Variants in METTL15 observed in about 807,000 individuals in gnomAD.
METTL15 encodes the protein 12S rRNA N(4)-cytidine methyltransferase METTL15.
Under a neutral mutation model 38.3 loss-of-function variants are expected in METTL15, and 34 were observed. That is an observed-to-expected ratio of 0.89 (90% CI 0.68 to 1.18). The LOEUF (loss-of-function observed/expected upper bound fraction) is 1.18, where lower values mean the gene tolerates loss of function less well. Among genes scored for constraint, METTL15 ranks in the 50% most tolerant of loss-of-function variants. The pLI is 0.00. For synonymous variants in METTL15, 162 were observed against 170.9 expected (o/e 0.95, Z 0.41); for missense variants, 438 against 498.4 (o/e 0.88, Z 1.15).
chr11:28,490,744 G>T (rs932895668), intron 6 of METTL15, among the ~76,000 whole-genome samples: 3 of 151,982 alleles, frequency 2.0e-5, no homozygotes, highest in Non-Finnish European at 4.4e-5. Flanking sequence ...GAAAATTACA[G>T]GAGAAAAAAA....
At chr11:28,311,691 A>G (rs180969566) in intron 6 of METTL15, among the ~76,000 whole-genome samples, 8 of 152,388 alleles carry the variant, frequency 5.2e-5, no homozygotes, top group African/African-American at 1.9e-4. Context: ...TCTGCAAAAT[A>G]TGGGTAGTAA....
chr11:28,173,652 GT>G (rs1487711742), intron 3 of METTL15, among the ~76,000 whole-genome samples: 7 of 152,126 alleles, frequency 4.6e-5, no homozygotes, highest in Admixed American at 4.6e-4. Context: ...ACTAAAGTCT[GT>G]TCTTTACTCA....
intron 4 of METTL15, among the ~76,000 whole-genome samples, chr11:28,267,459 T>A (rs996399325): frequency 6.6e-6 from 1 of 152,188 alleles, no homozygotes; most frequent in South Asian, 2.1e-4. Context: ...GCACTACTGA[T>A]CTCACTCTTC....
chr11:28,486,133 T>G (rs967331124), intron 6 of METTL15, among the ~76,000 whole-genome samples: 2 of 152,162 alleles, frequency 1.3e-5, no homozygotes, highest in African/African-American at 4.8e-5. Context: ...AGTTGATAGA[T>G]GAGAAAGTTA....
At chr11:28,524,911 T>C (rs1160978489) in intron 6 of METTL15, among the ~76,000 whole-genome samples, 1 of 152,142 alleles carries the variant, frequency 6.6e-6, no homozygotes, top group Non-Finnish European at 1.5e-5. Context: ...CCGGAGTTTG[T>C]TCCTTCTGAT....
intron 3 of METTL15, among the ~76,000 whole-genome samples, chr11:28,345,709 C>G (rs1849990472): frequency 6.6e-6 from 1 of 152,142 alleles, no homozygotes; most frequent in Non-Finnish European, 1.5e-5. Context: ...GCCAACAAGA[C>G]AGCCTTTAAA....
intron 6 of METTL15, among the ~76,000 whole-genome samples, chr11:28,428,771 A>C (rs2133427298): frequency 6.6e-6 from 1 of 152,276 alleles, no homozygotes; most frequent in Middle Eastern, 3.4e-3. Flanking sequence ...CCTGAGCTTA[A>C]GTAACTTCTA....
At chr11:28,468,129 G>T (rs1851273055) in intron 6 of METTL15, among the ~76,000 whole-genome samples, 2 of 152,162 alleles carry the variant, frequency 1.3e-5, no homozygotes, top group Non-Finnish European at 2.9e-5. Flanking sequence ...CACCCCAAGT[G>T]ACTTGTTTTC....
chr11:28,252,615 T>C (rs1431477433), intron 4 of METTL15, among the ~76,000 whole-genome samples: 1 of 152,154 alleles, frequency 6.6e-6, no homozygotes, highest in Non-Finnish European at 1.5e-5. Flanking sequence ...GTCTTTTTCC[T>C]TTCTAGTGAA....
At chr11:28,530,291 T>C (rs1304613192), downstream of METTL15, among the ~76,000 whole-genome samples, 1 of 152,132 alleles carries the variant, frequency 6.6e-6, no homozygotes, top group East Asian at 1.9e-4. Context: ...CATAAAACAA[T>C]GCAGGCCTTT....
intron 4 of METTL15, among the ~76,000 whole-genome samples, chr11:28,250,160 T>TTG (rs1489226676): frequency 6.6e-6 from 1 of 152,120 alleles, no homozygotes; most frequent in Non-Finnish European, 1.5e-5. Context: ...GTCTTTGCTA[T>TTG]TGTGAATAGT....
At chr11:28,130,293 A>G (rs1467444409) in intron 3 of METTL15, among the ~76,000 whole-genome samples, 3 of 152,154 alleles carry the variant, frequency 2.0e-5, no homozygotes, top group Non-Finnish European at 4.4e-5. Flanking sequence ...CCTGGGTGAC[A>G]GAGTGAGACC....
intron 6 of METTL15, among the ~76,000 whole-genome samples, chr11:28,515,843 A>G (rs1851715421): frequency 6.6e-6 from 1 of 152,218 alleles, no homozygotes; most frequent in South Asian, 2.1e-4. Context: ...TAATAAAAAC[A>G]CATAGCCACA....
intron 3 of METTL15, among the ~76,000 whole-genome samples, chr11:28,148,129 T>C (rs1849952466): frequency 6.6e-6 from 1 of 151,964 alleles, no homozygotes; most frequent in African/African-American, 2.4e-5. Context: ...TCTTGAGTCA[T>C]ATCTTGGGAA....
At chr11:28,247,666 T>A (rs1167210839) in intron 4 of METTL15, among the ~76,000 whole-genome samples, 2 of 152,140 alleles carry the variant, frequency 1.3e-5, no homozygotes, top group Non-Finnish European at 2.9e-5. Flanking sequence ...AAAGTACCAT[T>A]TACAAATACG....
At chr11:28,457,458 T>G (rs1252598681) in intron 6 of METTL15, among the ~76,000 whole-genome samples, 1 of 152,198 alleles carries the variant, frequency 6.6e-6, no homozygotes, top group Non-Finnish European at 1.5e-5. Flanking sequence ...TATGCAGAAC[T>G]AGCACAAATT....
chr11:28,138,288 G>C (rs1488256332), intron 3 of METTL15, among the ~76,000 whole-genome samples: 1 of 152,108 alleles, frequency 6.6e-6, no homozygotes, highest in African/African-American at 2.4e-5. Context: ...AGAAAAACAA[G>C]ATCCATGAAG....
At chr11:28,260,551 G>A (rs541587999) in intron 4 of METTL15, among the ~76,000 whole-genome samples, 2 of 152,128 alleles carry the variant, frequency 1.3e-5, no homozygotes, top group African/African-American at 4.8e-5. Context: ...TATGGTAAGT[G>A]ATCAACAACT....
chr11:28,448,043 G>A (rs1470174241), intron 6 of METTL15, among the ~76,000 whole-genome samples: 1 of 151,696 alleles, frequency 6.6e-6, no homozygotes, highest in African/African-American at 2.4e-5. Context: ...ATCAGGCTTG[G>A]GATCTGAGTG....
Sources: allele counts gnomAD v4.1 joint callset (sites outside exome capture counted in the v4.1 genomes callset), GRCh38; gene constraint gnomAD v4.1.1; transcripts MANE v1.5; gene names NCBI Gene and HGNC (gene_info 2026-07-23, HGNC 2026-07-21).